SSUH2: variants seen among roughly 807,000 people sequenced by gnomAD.
SSUH2 encodes ssu-2 homolog.
In SSUH2, 47 loss-of-function variants were observed where a neutral mutation model predicts 55.3. The ratio of observed to expected loss-of-function variants is 0.85; its 90% CI spans 0.67 to 1.08. The LOEUF (loss-of-function observed/expected upper bound fraction) is 1.08. SSUH2 is among the 50% of genes least tolerant of loss of function. The probability of loss-of-function intolerance (pLI) is 0.00; values close to 1 mark genes in which losing one functional copy is unlikely to be tolerated. For synonymous variants in SSUH2, 212 were observed against 191.5 expected (o/e 1.11, Z -0.89); for missense variants, 535 against 490.7 (o/e 1.09, Z -0.85).
At chr3:8,671,678 G>A (rs542206457) in intron 4 of SSUH2, among the ~76,000 whole-genome samples, 1 of 152,208 alleles carries the variant, frequency 6.6e-6, no homozygotes, top group Non-Finnish European at 1.5e-5. Flanking sequence ...AATATCGCAG[G>A]GTGTATACCC....
chr3:8,657,226 G>A (rs1703023945), intron 7 of SSUH2, among the ~76,000 whole-genome samples: 1 of 152,134 alleles, frequency 6.6e-6, no homozygotes, highest in Non-Finnish European at 1.5e-5. Context: ...TCTCTTTCCT[G>A]ATTGACTCTA....
intron 6 of SSUH2, 114 bp downstream of exon 6, chr3:8,630,691 C>T (rs2125152047): frequency 1.0e-6 from 1 of 1,003,476 alleles, no homozygotes; most frequent in Non-Finnish European, 1.3e-6. Flanking sequence ...AAATGAAGCA[C>T]CGGCCTGAAT....
At chr3:8,634,751 C>T (rs1008282957) in intron 3 of SSUH2, 7 of 394,176 alleles carry the variant, frequency 1.8e-5, no homozygotes, top group Non-Finnish European at 2.9e-5. Context: ...AGGTGAGAGG[C>T]TGGATTGAAA....
chr3:8,638,695 G>A (rs1269630075), intron 1 of SSUH2, among the ~76,000 whole-genome samples: 2 of 152,202 alleles, frequency 1.3e-5, no homozygotes, highest in Non-Finnish European at 2.9e-5. Context: ...TCCTGTGCCT[G>A]GCCTTTAACA....
chr3:8,680,685 A>G (rs1401331846), intron 1 of SSUH2, among the ~76,000 whole-genome samples: 1 of 152,018 alleles, frequency 6.6e-6, no homozygotes, highest in Admixed American at 6.6e-5. Flanking sequence ...ACTTTCTGCC[A>G]TACATGAAGT....
intron 3 of SSUH2, among the ~76,000 whole-genome samples, chr3:8,672,443 A>G (rs1229747209): frequency 6.6e-6 from 1 of 151,994 alleles, no homozygotes; most frequent in East Asian, 1.9e-4. Context: ...ACGGGTTTGT[A>G]CACTTTCTGT....
chr3:8,673,652 G>T (rs115038864), intron 3 of SSUH2, among the ~76,000 whole-genome samples: 3 of 152,134 alleles, frequency 2.0e-5, no homozygotes, highest in Non-Finnish European at 4.4e-5. Flanking sequence ...GGCAAAAGGC[G>T]GAGAGGGCTC....
upstream of SSUH2, among the ~76,000 whole-genome samples, chr3:8,647,994 T>C (rs1701923973): frequency 6.6e-6 from 1 of 152,174 alleles, no homozygotes; most frequent in African/African-American, 2.4e-5. Flanking sequence ...CTCCTCTCTC[T>C]GGGAGCCAGG....
intron 10 of SSUH2, among the ~76,000 whole-genome samples, 183 bp from the exon 11 acceptor site, chr3:8,623,839 C>T (rs933101799): frequency 3.9e-5 from 6 of 152,164 alleles, no homozygotes; most frequent in African/African-American, 9.7e-5. Context: ...AGAGAGAGAA[C>T]GCTATCACCT....
chr3:8,634,318 G>A (rs966525910), intron 3 of SSUH2: 4 of 1,164,796 alleles, frequency 3.4e-6, no homozygotes, highest in Non-Finnish European at 4.5e-6. Flanking sequence ...GACAGACAGG[G>A]ACCCTAACCT....
At chr3:8,633,335 G>T (rs1699226465) in intron 4 of SSUH2, among the ~76,000 whole-genome samples, 1 of 151,926 alleles carries the variant, frequency 6.6e-6, no homozygotes, top group African/African-American at 2.4e-5. Context: ...GTACAGATGG[G>T]GTTTCACCAT....
intron 7 of SSUH2, among the ~76,000 whole-genome samples, chr3:8,653,072 C>T (rs531282960): frequency 9.9e-5 from 15 of 152,144 alleles, no homozygotes; most frequent in East Asian, 5.8e-4. Context: ...AACCAAAAAC[C>T]GAAATGATAG....
At chr3:8,654,591 T>C (rs1575299195) in intron 7 of SSUH2, among the ~76,000 whole-genome samples, 1 of 152,202 alleles carries the variant, frequency 6.6e-6, no homozygotes, top group South Asian at 2.1e-4. Flanking sequence ...TTAGTAGGAA[T>C]AGAACCGTAG....
intron 5 of SSUH2, among the ~76,000 whole-genome samples, chr3:8,666,048 A>C (rs1485152233): frequency 1.3e-5 from 2 of 152,212 alleles, no homozygotes; most frequent in African/African-American, 4.8e-5. Flanking sequence ...AGCTCCCAAA[A>C]CACCTCTGAG....
intron 4 of SSUH2, chr3:8,671,784 T>C (rs1486605559): frequency 1.3e-5 from 2 of 150,900 alleles, no homozygotes; most frequent in Non-Finnish European, 2.9e-5. Context: ...CTAGGAAAAA[T>C]CCGGGAGTAA....
rs946192018 is a variant in SSUH2, at chr3:8,644,654, T to A, written c.28+77A>T. 1.2e-5 allele frequency: 15 copies of A among 1,267,968 alleles called. No individual in the cohort carries two copies. The African/African-American group carries it at 2.2e-4, about 19-fold the overall frequency. The allele number at this position is 1,267,968 out of a possible 1,614,324, so 78.5% of individuals were successfully genotyped here. A position where few individuals can be genotyped will look rare whatever the true frequency, so the allele number is the denominator to read the frequency against. ...TACATAACTTCCAACATATTAGAGG[T>A]CAGATTAGGTCCTCTTCAAATGCAG... On this transcript the variant is annotated intron_variant, in intron 1 of 11. Transcript: ENST00000544814.
chr3:8,629,601 G>T, intron 7 of SSUH2, 63 bp downstream of exon 7: 1 of 818,912 alleles, frequency 1.2e-6, no homozygotes, highest in Non-Finnish European at 1.9e-6. Context: ...CCAGCCCGCT[G>T]TCCCCAGGAT....
upstream of SSUH2, among the ~76,000 whole-genome samples, chr3:8,645,179 A>G (rs949820406): frequency 1.3e-5 from 2 of 152,226 alleles, no homozygotes; most frequent in African/African-American, 2.4e-5. Context: ...GCGCATGCAG[A>G]AAAAGGTCAT....
At chr3:8,620,872 T>C (rs776740268) in intron 11 of SSUH2, among the ~76,000 whole-genome samples, 70 of 152,254 alleles carry the variant, frequency 4.6e-4, no homozygotes, top group Non-Finnish European at 6.3e-4. Context: ...GAAAGCTTAG[T>C]TGGCTGTGCC....
Sources: gnomAD v4.1 joint callset for allele counts (sites outside exome capture counted in the v4.1 genomes callset) on GRCh38, gnomAD v4.1.1 for gene constraint, MANE v1.5 for transcripts, NCBI Gene and HGNC (gene_info 2026-07-23, HGNC 2026-07-21) for gene names.